AFAP1: variants seen among roughly 807,000 people sequenced by gnomAD.
AFAP1 encodes actin filament associated protein 1.
AFAP1 carries 75 observed loss-of-function variants against 93.9 expected under a neutral mutation model. The observed-to-expected ratio is 0.80, with a 90% CI of 0.66 to 0.97. The LOEUF (loss-of-function observed/expected upper bound fraction) is 0.97, where lower values mean the gene tolerates loss of function less well. AFAP1 is among the 50% of genes least tolerant of loss of function. The pLI is 0.00. For synonymous variants in AFAP1, 517 were observed against 430.7 expected (o/e 1.20, Z -2.48); for missense variants, 1,201 against 1,050.8 (o/e 1.14, Z -1.98).
At chr4:7,795,582 G>A (rs753532432) in intron 10 of AFAP1, among the ~76,000 whole-genome samples, 3 of 151,424 alleles carry the variant, frequency 2.0e-5, no homozygotes, top group Non-Finnish European at 2.9e-5. Context: ...CCACCACCAC[G>A]CCCGGATAAT....
chr4:7,916,909 C>T (rs1018700523), intron 1 of AFAP1, among the ~76,000 whole-genome samples: 49 of 152,216 alleles, frequency 3.2e-4, no homozygotes, highest in Admixed American at 1.9e-3. Context: ...GAACAGCTCC[C>T]GGACTGTACC....
At chr4:7,926,708 T>A (rs1720786920) in intron 1 of AFAP1, among the ~76,000 whole-genome samples, 1 of 152,178 alleles carries the variant, frequency 6.6e-6, no homozygotes, top group African/African-American at 2.4e-5. Context: ...TTCCCTAGAA[T>A]GAGTCAGCCC....
intron 10 of AFAP1, among the ~76,000 whole-genome samples, chr4:7,797,167 TGCTA>T (rs1437832073): frequency 6.6e-6 from 1 of 152,210 alleles, no homozygotes; most frequent in Non-Finnish European, 1.5e-5. Context: ...TCGCAGTCGA[TGCTA>T]GCTAATAAAT....
intron 6 of AFAP1, among the ~76,000 whole-genome samples, chr4:7,827,173 T>A (rs867385836): frequency 2.6e-5 from 4 of 151,760 alleles, no homozygotes; most frequent in South Asian, 2.1e-4. Context: ...AATAGAAGCG[T>A]CCACCCAAGC....
At chr4:7,822,406 G>A (rs982610036) in intron 6 of AFAP1, among the ~76,000 whole-genome samples, 3 of 151,936 alleles carry the variant, frequency 2.0e-5, no homozygotes, top group Non-Finnish European at 2.9e-5. Flanking sequence ...CTCTCCCCAC[G>A]ATTATATTTA....
intron 17 of AFAP1, among the ~76,000 whole-genome samples, chr4:7,765,752 G>GCCTTCTGCTGTCCT (rs1714465923): frequency 6.6e-6 from 1 of 152,218 alleles, no homozygotes; most frequent in Non-Finnish European, 1.5e-5. Context: ...AGACGCCAGG[G>GCCTTCTGCTGTCCT]CCAGACCTTC....
intron 6 of AFAP1, among the ~76,000 whole-genome samples, chr4:7,827,113 G>A (rs1186054835): frequency 6.6e-6 from 1 of 152,122 alleles, no homozygotes; most frequent in Non-Finnish European, 1.5e-5. Context: ...CATCAGCTGG[G>A]CTGAAGAGCC....
chr4:7,875,852 C>T (rs79762383), intron 1 of AFAP1, among the ~76,000 whole-genome samples: 2,268 of 152,062 alleles, frequency 0.015, 27 homozygotes, highest in Non-Finnish European at 0.021. Context: ...TACGAGTCTA[C>T]TTATATAAAG....
intron 1 of AFAP1, among the ~76,000 whole-genome samples, chr4:7,882,083 G>A (rs1232664792): frequency 6.6e-6 from 1 of 151,998 alleles, no homozygotes; most frequent in Non-Finnish European, 1.5e-5. Context: ...CAATGAACAC[G>A]ACCCCATACC....
chr4:7,765,958 G>A (rs550370581), intron 17 of AFAP1, among the ~76,000 whole-genome samples: 59 of 152,238 alleles, frequency 3.9e-4, no homozygotes, highest in Non-Finnish European at 5.7e-4. Context: ...CCCTGCGCCA[G>A]GATGCAGACG....
intron 5 of AFAP1, among the ~76,000 whole-genome samples, chr4:7,839,816 C>T (rs1712772444): frequency 6.6e-6 from 1 of 152,128 alleles, no homozygotes. Context: ...CCTAACAGTC[C>T]AAGAGGGCAG....
At chr4:7,873,064 A>G (rs1717192358) in intron 1 of AFAP1, among the ~76,000 whole-genome samples, 2 of 151,010 alleles carry the variant, frequency 1.3e-5, no homozygotes, top group African/African-American at 2.4e-5. Context: ...AGCCTGGCCA[A>G]CATGGCCATC....
At chr4:7,897,720 C>T (rs574768502) in intron 1 of AFAP1, among the ~76,000 whole-genome samples, 1 of 152,186 alleles carries the variant, frequency 6.6e-6, no homozygotes, top group African/African-American at 2.4e-5. Context: ...GATGGGGCTT[C>T]ACCATGTTGG....
chr4:7,834,128 C>CACACACACACACACACAT (rs756961714), intron 6 of AFAP1, among the ~76,000 whole-genome samples: 1,356 of 119,310 alleles, frequency 0.011, 19 homozygotes, highest in African/African-American at 0.017. Context: ...CACACACACA[C>CACACACACACACACACAT]ATATATACAA....
chr4:7,898,573 A>C (rs1718921611), intron 1 of AFAP1, among the ~76,000 whole-genome samples: 1 of 151,848 alleles, frequency 6.6e-6, no homozygotes. Flanking sequence ...AGGGAAGAGC[A>C]TACGGGAATT....
chr4:7,793,123 T>G (rs1243732678), intron 11 of AFAP1, among the ~76,000 whole-genome samples: 1 of 152,116 alleles, frequency 6.6e-6, no homozygotes, highest in Non-Finnish European at 1.5e-5. Flanking sequence ...TAAAGAAATA[T>G]TCACTGTTCA....
intron 1 of AFAP1, among the ~76,000 whole-genome samples, chr4:7,938,545 C>T (rs371691535): frequency 6.6e-6 from 1 of 152,130 alleles, no homozygotes; most frequent in East Asian, 1.9e-4. Context: ...AGGTCGGAGT[C>T]TCCCCACCCA....
intron 5 of AFAP1, among the ~76,000 whole-genome samples, chr4:7,841,182 G>C (rs967721255): frequency 6.6e-6 from 1 of 152,210 alleles, no homozygotes; most frequent in Non-Finnish European, 1.5e-5. Context: ...AGCAAGGAGA[G>C]GGAGGAGTGG....
In AFAP1 at chr4:7,816,063, C is replaced by G; in HGVS notation, c.859G>C (p.Gly287Arg). The change falls in exon 8 of 18, where the codon GGT becomes CGT. Residue 287 changes from glycine (G) to arginine (R), a missense_variant. By Grantham distance (125) the Gly-to-Arg change is moderately radical (BLOSUM62 -2). Coordinates refer to ENST00000420658, the MANE Select transcript of AFAP1 (RefSeq NM_001134647.2). ...SSERPSSDGE[G>R]VVENGITTCN... ...GTGGTAATTCCATTTTCCACAACAC[C>G]CTCCCCATCTGAGCTGGGTCTCTCT... The G allele has an allele frequency of 6.2e-7, 1 of 1,613,042 alleles. No individual in the cohort carries two copies. Among genetic ancestry groups the G allele is most frequent in the African/African-American group, 1.3e-5 (1 of 74,992 alleles).
Sources: allele counts gnomAD v4.1 joint callset (sites outside exome capture counted in the v4.1 genomes callset), GRCh38; gene constraint gnomAD v4.1.1; transcripts MANE v1.5; gene names NCBI Gene and HGNC (gene_info 2026-07-23, HGNC 2026-07-21).